Variants in FAM171B observed in about 807,000 individuals in gnomAD.
FAM171B encodes protein FAM171B.
Under a neutral mutation model 75.6 loss-of-function variants are expected in FAM171B, and 19 were observed. That is an observed-to-expected ratio of 0.25 (90% CI 0.18 to 0.37). FAM171B has a LOEUF of 0.37. Among genes scored for constraint, FAM171B ranks in the 10% least tolerant of loss-of-function variants. The pLI, the probability that FAM171B is intolerant of heterozygous loss-of-function variation, is 1.00. For missense variants in FAM171B, 848 were observed against 982.4 expected (o/e 0.86, Z 1.83); for synonymous variants, 367 against 361.7 (o/e 1.01, Z -0.17).
chr2:186,765,182 T>C lies in FAM171B; in HGVS notation c.*2359T>C, dbSNP rs767762792. On this transcript the variant is annotated 3_prime_UTR_variant, in exon 8 of 8. Transcript: ENST00000304698. ...TAAAAAGCTGAAACCATCTACTTTT[T>C]CTTAACCCAAGTGATAATAAACAAT... is the stretch of plus-strand genomic sequence containing the variant. 2 of 152,072 alleles carry C rather than the reference T, an allele frequency of 1.3e-5. No homozygotes were observed. Among genetic ancestry groups the C allele is most frequent in the African/African-American group, 2.4e-5 (1 of 41,452 alleles). The allele number at this position is 152,072 out of a possible 1,614,324, so 9.4% of individuals were successfully genotyped here.
At chr2:186,746,595 G>T (rs1574110297) in intron 3 of FAM171B, among the ~76,000 whole-genome samples, 1 of 152,116 alleles carries the variant, frequency 6.6e-6, no homozygotes, top group Non-Finnish European at 1.5e-5. Context: ...TTTCATTTTT[G>T]ATTGCAAGAT....
chr2:186,724,748 A>G (rs1473294148), intron 1 of FAM171B, among the ~76,000 whole-genome samples: 2 of 152,178 alleles, frequency 1.3e-5, no homozygotes, highest in African/African-American at 2.4e-5. Flanking sequence ...TACCTATGCA[A>G]AGACCTGGAG....
chr2:186,737,408 G>A (rs958811925), intron 1 of FAM171B, among the ~76,000 whole-genome samples: 2 of 152,266 alleles, frequency 1.3e-5, no homozygotes, highest in Middle Eastern at 3.4e-3. Flanking sequence ...CCAGGCTGGA[G>A]TGCAGTGGTG....
chr2:186,744,054 C>A (rs929942997), intron 3 of FAM171B, among the ~76,000 whole-genome samples: 1 of 152,148 alleles, frequency 6.6e-6, no homozygotes, highest in African/African-American at 2.4e-5. Flanking sequence ...GAGAAGAGTG[C>A]AGAAATCATG....
chr2:186,721,910 T>C (rs545483052), intron 1 of FAM171B, among the ~76,000 whole-genome samples: 121 of 152,232 alleles, frequency 7.9e-4, no homozygotes, highest in Admixed American at 2.3e-3. Flanking sequence ...AAAACCATAT[T>C]TGCTAATTGC....
chr2:186,743,346 T>C, intron 2 of FAM171B, 137 bp from the exon 3 acceptor site: 1 of 597,166 alleles, frequency 1.7e-6, no homozygotes, highest in South Asian at 2.1e-5. Context: ...TTCCTTTGTT[T>C]TGAATTGCTC....
intron 1 of FAM171B, among the ~76,000 whole-genome samples, chr2:186,724,569 CT>C (rs1465519342): frequency 2.0e-5 from 3 of 152,066 alleles, no homozygotes; most frequent in African/African-American, 7.2e-5. Context: ...CATTTGATTC[CT>C]TTTGGTGAAT....
At chr2:186,696,706 C>A (rs541475140) in intron 1 of FAM171B, among the ~76,000 whole-genome samples, 1 of 151,928 alleles carries the variant, frequency 6.6e-6, no homozygotes. Context: ...ATTTTCTCTG[C>A]CTGGAATTCT....
intron 1 of FAM171B, among the ~76,000 whole-genome samples, chr2:186,714,668 AT>A (rs1256466064): frequency 9.3e-4 from 141 of 152,346 alleles, no homozygotes; most frequent in African/African-American, 3.4e-3. Flanking sequence ...GTAACTGAAA[AT>A]AAAAGATTCA....
At chr2:186,725,395 G>C (rs1690018561) in intron 1 of FAM171B, among the ~76,000 whole-genome samples, 1 of 151,520 alleles carries the variant, frequency 6.6e-6, no homozygotes, top group Non-Finnish European at 1.5e-5. Flanking sequence ...CATCTGTTAC[G>C]CCAAACATGA....
In FAM171B at chr2:186,694,222, G is replaced by A. The variant is rs1689538940; in HGVS notation, c.49G>A (p.Ala17Thr). The A allele has an allele frequency of 1.9e-6, 3 of 1,609,998 alleles. No homozygotes were observed. The highest frequency in any genetic ancestry group is 1.7e-5 in the Admixed American group (1 of 59,970). The change falls in exon 1 of 8, where the codon GCC becomes ACC. Residue 17 changes from alanine (A) to threonine (T), a missense_variant. Around this residue, in one of 3 missense-constraint regions of FAM171B, gnomAD observed 665 missense variants for 729.0 expected, o/e 0.91. Transcript: ENST00000304698. The stretch of plus-strand genomic sequence containing the variant: ...CCCCTGCACCCTGCTTCTCGGCCTG[G>A]CCGTGGTGCTGCTGAAAGCGCGGCT... ...RVPCTLLLGL[A>T]VVLLKARLVP...
chr2:186,701,273 AG>A (rs1689656597), intron 1 of FAM171B, among the ~76,000 whole-genome samples: 1 of 152,160 alleles, frequency 6.6e-6, no homozygotes, highest in African/African-American at 2.4e-5. Context: ...ATATTTTAAT[AG>A]GCTTATACAT....
chr2:186,761,487 G>A lies in FAM171B; in HGVS notation c.1145G>A (p.Cys382Tyr), dbSNP rs557463809. ...AVLLCYCRDKCGTPQKRERNI... is the reference protein window; with the variant it reads ...AVLLCYCRDKYGTPQKRERNI... Reference sequence around the variant, plus strand: ...CTTCTCTTCTACTCTAGGGACAAGTGTGGTACTCCACAGAAAAGAGAAAGA... The same window carrying A: ...CTTCTCTTCTACTCTAGGGACAAGTATGGTACTCCACAGAAAAGAGAAAGA... Residue 382 changes from cysteine (C) to tyrosine (Y), a missense_variant, in exon 8 of 8, where the codon TGT becomes TAT. Physicochemically the swap from Cys to Tyr is radical, Grantham distance 194 (BLOSUM62 -2). Transcript: ENST00000304698. The A allele has an allele frequency of 9.8e-5, 154 of 1,570,580 alleles. No individual in the cohort carries two copies. The highest frequency in any genetic ancestry group is 7.9e-4 in the South Asian group (65 of 81,826).
At position 186,751,232 on chromosome 2, in the gene FAM171B, C is replaced by T. The variant is rs1274656859; in HGVS notation, c.823C>T (p.Leu275Phe). The part of the protein sequence containing the change: ...LKVNGSIQVS[L>F]PLLRLNDISA... ...GGTCAATGGCTCTATTCAAGTTTCT[C>T]TTCCTCTTCTACGTCTGAATGATAT... The change falls in exon 5 of 8, where the codon CTT (leucine) becomes TTT (phenylalanine). Residue 275 changes from leucine to phenylalanine, a missense_variant. Physicochemically the swap from Leu to Phe is conservative, Grantham distance 22. This residue lies in a region of FAM171B where 665 missense variants were observed against 729.0 expected (regional missense o/e 0.91). Coordinates refer to ENST00000304698, the MANE Select transcript of FAM171B (RefSeq NM_177454.4). 1 of 1,611,590 alleles carries T rather than the reference C, an allele frequency of 6.2e-7. No individual in the cohort carries two copies. Among genetic ancestry groups the T allele is most frequent in the Non-Finnish European group, 8.5e-7 (1 of 1,178,438 alleles).
intron 1 of FAM171B, among the ~76,000 whole-genome samples, chr2:186,736,176 T>A (rs867641570): frequency 2.6e-5 from 4 of 152,188 alleles, no homozygotes; most frequent in Non-Finnish European, 5.9e-5. Context: ...CTCAATCAAT[T>A]CTTCCCATCT....
At chr2:186,701,319 A>C (rs778765701) in intron 1 of FAM171B, among the ~76,000 whole-genome samples, 2 of 152,208 alleles carry the variant, frequency 1.3e-5, no homozygotes, top group Admixed American at 1.3e-4. Context: ...ACAAATTAAC[A>C]TATCCATCCT....
At chr2:186,760,619 G>C (rs1432910690) in intron 6 of FAM171B, among the ~76,000 whole-genome samples, 1 of 151,652 alleles carries the variant, frequency 6.6e-6, no homozygotes, top group Non-Finnish European at 1.5e-5. Context: ...TATGTTTTAA[G>C]CTTTCTATAG....
At position 186,695,796 on chromosome 2, in the gene FAM171B, G is replaced by A. The variant is rs188048508; in HGVS notation, c.238+1385G>A. 2.1e-3 allele frequency among the ~76,000 whole-genome samples: 327 copies of A among 152,300 alleles called. 2 individuals carry two copies. Among genetic ancestry groups the A allele is most frequent in the African/African-American group, 7.1e-3 (296 of 41,556 alleles). ...AACTGAAAGTGATAATATGGTTTGG[G>A]TGAGGCTGCTGTTAGACATACTGTT... On this transcript the variant is annotated intron_variant, in intron 1 of 7. Coordinates refer to ENST00000304698, the MANE Select transcript of FAM171B (RefSeq NM_177454.4).
chr2:186,762,312 C>A lies in FAM171B; in HGVS notation c.1970C>A (p.Thr657Asn), dbSNP rs2105794104. The A allele has an allele frequency of 5.6e-6, 9 of 1,613,686 alleles. No homozygotes were observed. The South Asian group carries it at 8.8e-5, about 16-fold the overall frequency. ...SSELQGISEQ[T>N]LLELSKGKPS... is the part of the protein sequence containing the mutation. ...GAACTTCAAGGAATTTCAGAACAGA[C>A]CCTCCTGGAGCTGTCCAAAGGAAAG... is the stretch of plus-strand genomic sequence containing the variant. The change falls in exon 8 of 8, where the codon ACC (threonine) becomes AAC (asparagine). Residue 657 changes from threonine (T) to asparagine (N), a missense_variant. Coordinates refer to ENST00000304698, the MANE Select transcript of FAM171B (RefSeq NM_177454.4). The surrounding 1 kb of genome is among the most constrained non-coding windows in gnomAD (Gnocchi z 4.0).
Sources: gnomAD v4.1 joint callset for allele counts (sites outside exome capture counted in the v4.1 genomes callset) on GRCh38, gnomAD v4.1.1 for gene constraint, gnomAD v4.1.1 regional missense constraint, Gnocchi (gnomAD v3.1) non-coding constraint, MANE v1.5 for transcripts, NCBI Gene and HGNC (gene_info 2026-07-23, HGNC 2026-07-21) for gene names.